The following CD6 variants were observed in gnomAD, a reference collection of about 807,000 sequenced individuals.
CD6 encodes the protein CD6 molecule.
In CD6, 53 loss-of-function variants were observed where a neutral mutation model predicts 75.3. The ratio of observed to expected loss-of-function variants is 0.70; its 90% confidence interval spans 0.56 to 0.88. The LOEUF is 0.88. CD6 is among the 40% of genes least tolerant of loss of function. CD6 has a pLI of 0.00. For synonymous variants in CD6, 359 were observed against 381.5 expected, an observed-to-expected ratio of 0.94 and a Z score of 0.69; for missense variants, 770 against 897.1, an observed-to-expected ratio of 0.86 and a Z score of 1.81.
intron 9 of CD6, chr11:61,016,762 G>T: frequency 6.6e-6 from 1 of 152,414 alleles, no homozygotes; most frequent in Non-Finnish European, 1.5e-5. Flanking sequence ...CCAGATAAAA[G>T]CCAGAATGGA....
chr11:60,995,690 G>T (rs887288950), intron 1 of CD6, among the ~76,000 whole-genome samples: 2 of 152,136 alleles, frequency 1.3e-5, no homozygotes, highest in African/African-American at 4.8e-5. Flanking sequence ...TGGGGAAGGG[G>T]TGGGGGCAGT....
chr11:60,976,320 A>G (rs1857362764), intron 1 of CD6, among the ~76,000 whole-genome samples: 1 of 152,210 alleles, frequency 6.6e-6, no homozygotes, highest in Admixed American at 6.5e-5. Context: ...GTTCTCTTAA[A>G]TATTCTAATG....
At chr11:60,982,526 C>G (rs1398412519) in intron 1 of CD6, 1 of 452,942 alleles carries the variant, frequency 2.2e-6, no homozygotes, top group Non-Finnish European at 4.4e-6. Flanking sequence ...CGCGGGGAGA[C>G]AGAGCTGAGG....
chr11:60,983,522 T>C (rs79466844), intron 1 of CD6, among the ~76,000 whole-genome samples: 4,668 of 152,364 alleles, frequency 0.031, 104 homozygotes, highest in Middle Eastern at 0.12. Flanking sequence ...ACATTTGCTT[T>C]ATTATTTCCT....
At chr11:61,009,428 G>C (rs544678466) in intron 4 of CD6, 144 bp from the exon 5 acceptor site, 121 of 741,136 alleles carry the variant, frequency 1.6e-4, no homozygotes, top group Non-Finnish European at 3.0e-5. Context: ...GCAGGTGACA[G>C]GGGGACACAG....
rs772550845 is a variant in CD6, at chr11:61,017,553, G to A, written c.1582+3G>A. Reference sequence around the variant, plus strand: ...CCAGATGCCACCCTTGGAGGAAGGTGAGTCAGGATGGGAAGGGGTGTGAAT... The same window carrying A: ...CCAGATGCCACCCTTGGAGGAAGGTAAGTCAGGATGGGAAGGGGTGTGAAT... On this transcript the variant is annotated splice_donor_region_variant and intron_variant, in intron 10 of 12. Transcript: ENST00000313421. The A allele has an allele frequency of 1.2e-5, 18 of 1,558,086 alleles. No individual in the cohort carries two copies. In the Middle Eastern group the frequency reaches 5.1e-4, roughly 44 times the overall value.
rs1214047592 is a variant in CD6, at chr11:61,015,791, A to G, written c.1466A>G (p.Tyr489Cys). Residue 489 changes from tyrosine (Y) to cysteine (C), a missense_variant, in exon 9 of 13, where the codon TAT becomes TGT. By Grantham distance (194) the Tyr-to-Cys change is radical (BLOSUM62 -2). Coordinates refer to ENST00000313421, the MANE Select transcript of CD6 (RefSeq NM_006725.5). ...GGCTCGGACTCAGACTATGAGCACT[A>G]TGACTTCAGCGCCCAGCCTCCTGTG... ...DSGSDSDYEH[Y>C]DFSAQPPVAL... 2.5e-6 allele frequency: 4 copies of G among 1,614,134 alleles called. No individual in the cohort carries two copies. The South Asian group carries it at 3.3e-5, about 13-fold the overall frequency.
chr11:60,987,070 G>C (rs1026113999), intron 1 of CD6, among the ~76,000 whole-genome samples: 2 of 152,168 alleles, frequency 1.3e-5, no homozygotes, highest in African/African-American at 2.4e-5. Flanking sequence ...AGAGGTTGCA[G>C]TGAGCCGAGA....
chr11:61,003,127 A>G (rs1858674606), intron 1 of CD6, among the ~76,000 whole-genome samples: 1 of 151,700 alleles, frequency 6.6e-6, no homozygotes, highest in African/African-American at 2.4e-5. Context: ...ACCACACCCG[A>G]CTAATTTTTG....
intron 1 of CD6, among the ~76,000 whole-genome samples, chr11:61,005,370 C>G (rs372183729): frequency 2.0e-5 from 3 of 152,068 alleles, no homozygotes; most frequent in South Asian, 2.1e-4. Context: ...ACAGGGGGGG[C>G]CAGAGGAATA....
At chr11:60,979,793 C>T (rs1269325883) in intron 1 of CD6, among the ~76,000 whole-genome samples, 1 of 152,134 alleles carries the variant, frequency 6.6e-6, no homozygotes, top group Non-Finnish European at 1.5e-5. Flanking sequence ...TTTTCATATT[C>T]ATTCAGTACC....
chr11:61,008,264 AG>A, intron 3 of CD6: 1 of 494,906 alleles, frequency 2.0e-6, no homozygotes, highest in Non-Finnish European at 3.6e-6. Flanking sequence ...TAAACATGCC[AG>A]GTTCACAGGG....
intron 1 of CD6, 96 bp from the exon 2 acceptor site, chr11:61,006,478 A>G (rs1015781495): frequency 2.0e-6 from 2 of 1,007,824 alleles, no homozygotes; most frequent in Non-Finnish European, 3.0e-6. Context: ...TGTAGCCACC[A>G]CAGGCTCCAG....
intron 1 of CD6, among the ~76,000 whole-genome samples, chr11:61,005,192 A>G (rs986772594): frequency 6.6e-6 from 1 of 152,342 alleles, no homozygotes; most frequent in Non-Finnish European, 1.5e-5. Context: ...TTACAGAAGA[A>G]CTATTTACAA....
At position 61,015,780 on chromosome 11, in the gene CD6, C is replaced by T. The variant is rs1278229121; in HGVS notation, c.1455C>T (p.Asp485=). The change falls in exon 9 of 13, where the codon GAC becomes GAT. Residue 485 remains aspartate, a synonymous_variant. Coordinates refer to ENST00000313421, the MANE Select transcript of CD6 (RefSeq NM_006725.5). ...PEDSDSGSDS[D]YEHYDFSAQP... ...ACTCAGACTCTGGCTCGGACTCAGA[C>T]TATGAGCACTATGACTTCAGCGCCC... 6.2e-7 allele frequency: 1 copy of T among 1,614,212 alleles called. No individual in the cohort carries two copies. Among genetic ancestry groups the T allele is most frequent in the Non-Finnish European group, 8.5e-7 (1 of 1,180,034 alleles).
intron 1 of CD6, among the ~76,000 whole-genome samples, chr11:61,004,198 G>A (rs910397851): frequency 2.6e-5 from 4 of 152,136 alleles, no homozygotes; most frequent in East Asian, 1.9e-4. Flanking sequence ...ACACACAGTC[G>A]TAATCACATA....
chr11:60,994,457 C>CAA lies in CD6; in HGVS notation c.50-12104_50-12103dup, dbSNP rs61349237. Among the ~76,000 whole-genome samples, 8 of 52,964 alleles carry CAA rather than the reference C, an allele frequency of 1.5e-4. 1 individual carries two copies. Among genetic ancestry groups the CAA allele is most frequent in the African/African-American group, 3.4e-4 (4 of 11,726 alleles). 34.7% of individuals were successfully genotyped at this position (52,964 alleles called of 152,430 possible). A position where few individuals can be genotyped will look rare whatever the true frequency, so the allele number is the denominator to read the frequency against. ...CTCATCCCCTCCCCAACACCCCCGC[C>CAA]AAAAAAAAAAAAAAGCTGAATTTCT... On this transcript the variant is annotated intron_variant, in intron 1 of 12. Transcript: ENST00000313421.
In CD6 at chr11:61,009,637, C is replaced by T. The variant is rs764381085; in HGVS notation, c.847C>T (p.Arg283Ter). ...CGAGGGGCAGGTGGAGGTACACTTCCGAGGGGTCTGGAACACAGTGTGTGA... is the reference window on the plus strand; with the variant it reads ...CGAGGGGCAGGTGGAGGTACACTTCTGAGGGGTCTGGAACACAGTGTGTGA... ...RCEGQVEVHFRGVWNTVCDSE... is the reference protein window; with the variant it reads ...RCEGQVEVHF The change falls in exon 5 of 13, where the codon CGA becomes TGA. Residue 283 changes from arginine (R) to a stop codon, truncating the protein, a stop_gained. Coordinates refer to ENST00000313421, the MANE Select transcript of CD6 (RefSeq NM_006725.5). LOFTEE classifies it high-confidence loss of function. 12 of 1,613,716 alleles carry T rather than the reference C, an allele frequency of 7.4e-6. No homozygotes were observed. Among genetic ancestry groups the T allele is most frequent in the East Asian group, 2.2e-5 (1 of 44,894 alleles).
At chr11:60,980,047 G>T (rs578018878) in intron 1 of CD6, among the ~76,000 whole-genome samples, 1 of 152,308 alleles carries the variant, frequency 6.6e-6, no homozygotes, top group East Asian at 1.9e-4. Flanking sequence ...TATGGGTGGA[G>T]AAACTGAGGC....
Sources: allele counts gnomAD v4.1 joint callset (sites outside exome capture counted in the v4.1 genomes callset), GRCh38; gene constraint gnomAD v4.1.1; transcripts MANE v1.5; gene names NCBI Gene and HGNC (gene_info 2026-07-23, HGNC 2026-07-21).